Variants in TESK2 observed in about 807,000 individuals in gnomAD.
TESK2 encodes the protein dual specificity testis-specific protein kinase 2.
TESK2 carries 39 observed loss-of-function variants against 57.1 expected under a neutral mutation model. The observed-to-expected ratio is 0.68, with a 90% CI of 0.53 to 0.89. TESK2 has a LOEUF of 0.89. Among genes scored for constraint, TESK2 ranks in the 40% least tolerant of loss-of-function variants. The probability of loss-of-function intolerance (pLI) is 0.00; values close to 1 mark genes in which losing one functional copy is unlikely to be tolerated. For missense variants in TESK2, 646 were observed against 732.1 expected, an observed-to-expected ratio of 0.88 and a Z score of 1.36; for synonymous variants, 249 against 267.9, an observed-to-expected ratio of 0.93 and a Z score of 0.69.
intron 2 of TESK2, among the ~76,000 whole-genome samples, chr1:45,445,806 T>C (rs1651622874): frequency 6.6e-6 from 1 of 151,564 alleles, no homozygotes; most frequent in Non-Finnish European, 1.5e-5. Flanking sequence ...AAGAAATAAA[T>C]AAACCATGAA....
rs1287901368 is a variant in TESK2 at position 45,436,179 on chromosome 1, TTC to T, written c.223-14335_223-14334del. Reference sequence around the variant, plus strand: ...TTCTGTGAAAAATGACATTGGTATCTTCTTTTTTTTTTTTTTTTTTTTTGAGA... The same window carrying T: ...TTCTGTGAAAAATGACATTGGTATCTTTTTTTTTTTTTTTTTTTTTTGAGA... On this transcript the variant is annotated intron_variant, in intron 2 of 10. Coordinates refer to ENST00000372086, the MANE Select transcript of TESK2 (RefSeq NM_007170.3). Among the ~76,000 whole-genome samples the T allele has an allele frequency of 3.1e-3, 193 of 61,430 alleles. 2 individuals are homozygous for T. Among genetic ancestry groups the T allele is most frequent in the South Asian group, 9.3e-3 (16 of 1,728 alleles). 40.3% of individuals were successfully genotyped at this position (61,430 alleles called of 152,430 possible). A position where few individuals can be genotyped will look rare whatever the true frequency, so the allele number is the denominator to read the frequency against.
rs142630259 is a variant in TESK2 at position 45,438,614 on chromosome 1, T to C, written c.223-16768A>G. Reference sequence around the variant, plus strand: ...CATAGGTAAACTTGTATCATGAGGGTTTGTTGTTCAGATTATTTCATCACC... The same window carrying C: ...CATAGGTAAACTTGTATCATGAGGGCTTGTTGTTCAGATTATTTCATCACC... On this transcript the variant is annotated intron_variant, in intron 2 of 10. Transcript: ENST00000372086. Among the ~76,000 whole-genome samples the C allele has an allele frequency of 5.6e-4, 86 of 152,264 alleles. 1 individual carries two copies. In the East Asian group the frequency reaches 0.013, roughly 23 times the overall value.
intron 3 of TESK2, among the ~76,000 whole-genome samples, chr1:45,389,797 T>C (rs927005982): frequency 3.3e-5 from 5 of 152,182 alleles, no homozygotes; most frequent in African/African-American, 1.2e-4. Flanking sequence ...GAGAATTAAA[T>C]GGGATATTTT....
chr1:45,347,447 T>TC (rs1443401905), intron 7 of TESK2, among the ~76,000 whole-genome samples, 162 bp downstream of exon 7: 1 of 152,114 alleles, frequency 6.6e-6, no homozygotes, highest in Non-Finnish European at 1.5e-5. Context: ...ATGCCTGTAA[T>TC]TCCAGCTACT....
intron 2 of TESK2, among the ~76,000 whole-genome samples, chr1:45,428,843 A>T (rs1650826418): frequency 4.3e-5 from 2 of 46,060 alleles, no homozygotes; most frequent in African/African-American, 9.3e-5. Context: ...TTTTTTTGAG[A>T]CGGAGTCTCG....
intron 1 of TESK2, among the ~76,000 whole-genome samples, chr1:45,481,511 G>A (rs910129799): frequency 3.3e-5 from 5 of 152,150 alleles, no homozygotes; most frequent in African/African-American, 1.2e-4. Context: ...CTCATGTGCT[G>A]TAGTTATTCA....
chr1:45,436,181 C>CTTTTTTTTTTTTTTTTTTTTTTTTTTTTT (rs1170732475), intron 2 of TESK2, among the ~76,000 whole-genome samples: 1 of 56,604 alleles, frequency 1.8e-5, no homozygotes, highest in Non-Finnish European at 3.3e-5. Context: ...TTGGTATCTT[C>CTTTTTTTTTTTTTTTTTTTTTTTTTTTTT]TTTTTTTTTT....
chr1:45,344,830 C>G lies in TESK2; in HGVS notation c.*10G>C. 1 of 1,605,604 alleles carries G rather than the reference C, an allele frequency of 6.2e-7. No homozygotes were observed. The highest frequency in any genetic ancestry group is 8.5e-7 in the Non-Finnish European group (1 of 1,175,114). ...GTCCATCCCCAAGGTGAGGCAGGGA[C>G]TAAACCCCCTCACCCATCCTGCTTT... is the stretch of plus-strand genomic sequence containing the variant. On this transcript the variant is annotated 3_prime_UTR_variant, in exon 11 of 11. Transcript: ENST00000372086.
rs544921682 is a variant in TESK2, at chr1:45,475,481, A to G, written c.-87+15371T>C. ...CTCAGCCTCCGAAAGTGCTGGGATT[A>G]CAGGCGTGAGCCCCCACCACACCCG... On this transcript the variant is annotated intron_variant, in intron 1 of 10. Coordinates refer to ENST00000372086, the MANE Select transcript of TESK2 (RefSeq NM_007170.3). 6.6e-5 allele frequency among the ~76,000 whole-genome samples: 10 copies of G among 152,274 alleles called. No individual in the cohort carries two copies. The South Asian group carries it at 2.1e-3, about 32-fold the overall frequency.
At chr1:45,453,970 T>C (rs1289546103) in intron 2 of TESK2, among the ~76,000 whole-genome samples, 3 of 152,162 alleles carry the variant, frequency 2.0e-5, no homozygotes. Context: ...CACAATGAGA[T>C]ACCACTTTTC....
At chr1:45,437,998 T>C (rs535022214) in intron 2 of TESK2, among the ~76,000 whole-genome samples, 2 of 152,334 alleles carry the variant, frequency 1.3e-5, no homozygotes, top group South Asian at 2.1e-4. Flanking sequence ...TGGTATATAC[T>C]GACATCTCAG....
At chr1:45,449,556 G>GATTA (rs748331191) in intron 2 of TESK2, among the ~76,000 whole-genome samples, 45 of 152,166 alleles carry the variant, frequency 3.0e-4, no homozygotes, top group East Asian at 7.7e-4. Flanking sequence ...ATGGAGGATA[G>GATTA]ATTAATTAAT....
intron 2 of TESK2, among the ~76,000 whole-genome samples, chr1:45,424,629 A>C (rs535660955): frequency 2.0e-5 from 3 of 152,252 alleles, no homozygotes; most frequent in South Asian, 4.1e-4. Context: ...TCTCCAGCTG[A>C]AAGTCACTCT....
At chr1:45,382,332 G>T (rs958672227) in intron 4 of TESK2, among the ~76,000 whole-genome samples, 1 of 152,092 alleles carries the variant, frequency 6.6e-6, no homozygotes, top group Admixed American at 6.6e-5. Context: ...TCAACCTCCT[G>T]GGCTCAGGTG....
At chr1:45,391,066 T>C (rs1160131260) in intron 3 of TESK2, among the ~76,000 whole-genome samples, 3 of 151,756 alleles carry the variant, frequency 2.0e-5, no homozygotes, top group South Asian at 2.1e-4. Flanking sequence ...TATAGGCGCA[T>C]GCCACCACAC....
intron 2 of TESK2, among the ~76,000 whole-genome samples, chr1:45,435,058 G>A (rs915266141): frequency 2.7e-5 from 4 of 150,766 alleles, no homozygotes; most frequent in Admixed American, 2.0e-4. Context: ...TGAACTCCTA[G>A]GCTCAAGAAA....
chr1:45,371,220 A>T (rs1648164902), intron 4 of TESK2, among the ~76,000 whole-genome samples: 1 of 152,190 alleles, frequency 6.6e-6, no homozygotes, highest in African/African-American at 2.4e-5. Flanking sequence ...TTAAAAATAG[A>T]ACTACTATAT....
intron 3 of TESK2, among the ~76,000 whole-genome samples, chr1:45,419,662 C>T (rs564749655): frequency 9.9e-5 from 15 of 151,982 alleles, no homozygotes; most frequent in East Asian, 7.8e-4. Flanking sequence ...AAAAATTAGC[C>T]GGGTGTGATG....
chr1:45,430,880 G>A (rs572792766), intron 2 of TESK2, among the ~76,000 whole-genome samples: 3 of 152,230 alleles, frequency 2.0e-5, no homozygotes, highest in Admixed American at 6.5e-5. Context: ...TGTAGTTAGC[G>A]TAAAGAGCTA....
Sources: allele counts gnomAD v4.1 joint callset (sites outside exome capture counted in the v4.1 genomes callset), GRCh38; gene constraint gnomAD v4.1.1; transcripts MANE v1.5; gene names NCBI Gene and HGNC (gene_info 2026-07-23, HGNC 2026-07-21).